Variants in LDAH observed in about 807,000 individuals in gnomAD.
The protein encoded by LDAH is lipid droplet-associated hydrolase.
Under a neutral mutation model 29.6 loss-of-function variants are expected in LDAH, and 26 were observed. The ratio of observed to expected loss-of-function variants is 0.88; its 90% CI spans 0.64 to 1.22. LDAH has a LOEUF of 1.22. LDAH is among the 50% of genes most tolerant of loss of function. The pLI, the probability that LDAH is intolerant of heterozygous loss-of-function variation, is 0.00. For missense variants in LDAH, 344 were observed against 387.3 expected (o/e 0.89, Z 0.94); for synonymous variants, 117 against 133.0 (o/e 0.88, Z 0.83).
At chr2:20,761,727 A>AT (rs932000960) in intron 4 of LDAH, among the ~76,000 whole-genome samples, 2 of 152,150 alleles carry the variant, frequency 1.3e-5, no homozygotes, top group African/African-American at 4.8e-5. Context: ...TGGAAGCCCA[A>AT]TCCCCCCCAT....
intron 4 of LDAH, among the ~76,000 whole-genome samples, chr2:20,743,123 A>G (rs1667312609): frequency 1.3e-5 from 2 of 151,502 alleles, no homozygotes; most frequent in South Asian, 2.1e-4. Context: ...ATTAATATAG[A>G]CCACATTTGT....
In LDAH at chr2:20,698,462, G is replaced by T. The variant is rs894332235; in HGVS notation, c.786+3108C>A. ...CCCAGCACCTTGGGAGGCCGAGGCC[G>T]GTAAATCACAAGGTCAGGAGTTTGA... On this transcript the variant is annotated intron_variant, in intron 6 of 6. Transcript: ENST00000237822. This position sits in a 1 kb window ranked among gnomAD's most constrained non-coding sequence, Gnocchi z 4.4. Among the ~76,000 whole-genome samples the T allele has an allele frequency of 9.9e-5, 15 of 152,134 alleles. No homozygotes were observed. The highest frequency in any genetic ancestry group is 2.6e-4 in the Admixed American group (4 of 15,272).
intron 2 of LDAH, among the ~76,000 whole-genome samples, chr2:20,796,152 T>C (rs1363384899): frequency 5.3e-5 from 8 of 152,168 alleles, no homozygotes; most frequent in Non-Finnish European, 7.4e-5. Context: ...AATACTCCCT[T>C]TATCTCCTCA....
intron 3 of LDAH, among the ~76,000 whole-genome samples, chr2:20,783,975 AGTGCT>A (rs1482277793): frequency 6.6e-6 from 1 of 152,160 alleles, no homozygotes; most frequent in African/African-American, 2.4e-5. Context: ...GTCCTCCCAA[AGTGCT>A]GGAATTACGG....
In LDAH at chr2:20,781,227, T is replaced by A. The variant is rs564346764; in HGVS notation, c.299-6248A>T. Among the ~76,000 whole-genome samples, 4 of 152,330 alleles carry A rather than the reference T, an allele frequency of 2.6e-5. No individual in the cohort carries two copies. In the East Asian group the frequency reaches 7.7e-4, roughly 29 times the overall value. On this transcript the variant is annotated intron_variant, in intron 3 of 6. Coordinates refer to ENST00000237822, the MANE Select transcript of LDAH (RefSeq NM_021925.4). The stretch of plus-strand genomic sequence containing the variant: ...GTTTATACTCCTAACTCCTCAAATT[T>A]TCTTTTCACACTTTTTTTCCCCTCG...
At chr2:20,691,727 TTC>T (rs1289542733) in intron 6 of LDAH, among the ~76,000 whole-genome samples, 2 of 152,250 alleles carry the variant, frequency 1.3e-5, no homozygotes, top group Non-Finnish European at 2.9e-5. Flanking sequence ...ATAGAAATTT[TTC>T]TGTTTCCAAA....
chr2:20,700,935 C>T (rs1478889091), intron 6 of LDAH, among the ~76,000 whole-genome samples: 1 of 152,132 alleles, frequency 6.6e-6, no homozygotes, highest in East Asian at 1.9e-4. Flanking sequence ...AATATTAGTA[C>T]AGTTCTGTCC....
At chr2:20,805,438 G>C (rs999543879) in intron 1 of LDAH, among the ~76,000 whole-genome samples, 1 of 152,156 alleles carries the variant, frequency 6.6e-6, no homozygotes, top group Non-Finnish European at 1.5e-5. Flanking sequence ...TGAGGCACGA[G>C]AATTAAAACT....
rs149460300 is a variant in LDAH, at chr2:20,790,553, C to A, written c.155-155G>T. Among the ~76,000 whole-genome samples the A allele has an allele frequency of 4.0e-3, 615 of 152,280 alleles. 3 individuals carry two copies. The highest frequency in any genetic ancestry group is 0.014 in the African/African-American group (585 of 41,564). ...ATTATCTTCAAACTTCCATTAAAAT[C>A]ACAGCAGTACCCTATTTAAACACCC... is the stretch of plus-strand genomic sequence containing the variant. On this transcript the variant is annotated intron_variant, in intron 2 of 6. Coordinates refer to ENST00000237822, the MANE Select transcript of LDAH (RefSeq NM_021925.4).
chr2:20,818,286 A>T (rs1054983550), intron 1 of LDAH, among the ~76,000 whole-genome samples: 2 of 152,126 alleles, frequency 1.3e-5, no homozygotes, highest in African/African-American at 2.4e-5. Flanking sequence ...AAAGGTTTTT[A>T]AAAAAGTTAT....
intron 4 of LDAH, among the ~76,000 whole-genome samples, chr2:20,767,491 C>G (rs1225986904): frequency 6.6e-6 from 1 of 152,230 alleles, no homozygotes; most frequent in African/African-American, 2.4e-5. Context: ...ACTTCGGGTG[C>G]TGACAAGCAT....
intron 1 of LDAH, among the ~76,000 whole-genome samples, chr2:20,807,240 T>C (rs1672128283): frequency 6.6e-6 from 1 of 152,034 alleles, no homozygotes; most frequent in Admixed American, 6.5e-5. Context: ...AGAAGACTCT[T>C]AATAAACTTA....
rs1172530072 is a variant in LDAH at position 20,687,063 on chromosome 2, C to A, written c.818G>T (p.Trp273Leu). The A allele has an allele frequency of 6.2e-7, 1 of 1,613,188 alleles. No individual in the cohort carries two copies. The highest frequency in any genetic ancestry group is 8.5e-7 in the Non-Finnish European group (1 of 1,179,662). ...LTFYYGTIDP[W>L]CPKEYYEDIK... ...GTCTTCATAGTACTCTTTTGGACAC[C>A]AAGGATCTATAGTACCATAATAAAA... The change falls in exon 7 of 7, where the codon TGG (tryptophan) becomes TTG (leucine). Residue 273 changes from tryptophan (W) to leucine (L), a missense_variant. Physicochemically the swap from Trp to Leu is moderately conservative, Grantham distance 61. Transcript: ENST00000237822.
chr2:20,819,764 G>A (rs1223866288), intron 1 of LDAH, among the ~76,000 whole-genome samples: 1 of 152,134 alleles, frequency 6.6e-6, no homozygotes, highest in East Asian at 1.9e-4. Flanking sequence ...TTCTGGCCAG[G>A]GCAATTAGGC....
intron 4 of LDAH, among the ~76,000 whole-genome samples, chr2:20,756,640 A>C (rs912469973): frequency 1.3e-5 from 2 of 152,230 alleles, no homozygotes; most frequent in African/African-American, 2.4e-5. Flanking sequence ...TGGAAGATAA[A>C]GTAGGGAAAA....
At chr2:20,696,079 A>G (rs1232590935) in intron 6 of LDAH, among the ~76,000 whole-genome samples, 1 of 152,174 alleles carries the variant, frequency 6.6e-6, no homozygotes, top group Non-Finnish European at 1.5e-5. Flanking sequence ...TTTCAGGATG[A>G]TTATGACATT....
At chr2:20,691,295 T>C (rs933441637) in intron 6 of LDAH, among the ~76,000 whole-genome samples, 1 of 152,210 alleles carries the variant, frequency 6.6e-6, no homozygotes, top group Non-Finnish European at 1.5e-5. Flanking sequence ...GCACATCAGC[T>C]TCCAGGGTAG....
chr2:20,692,027 G>T (rs575537722), intron 6 of LDAH, among the ~76,000 whole-genome samples: 23 of 152,254 alleles, frequency 1.5e-4, no homozygotes, highest in African/African-American at 5.5e-4. Context: ...ACTTTTTGGG[G>T]GGTCTACAAA....
chr2:20,773,177 C>T (rs114767641), intron 4 of LDAH, among the ~76,000 whole-genome samples: 5,225 of 152,144 alleles, frequency 0.034, 270 homozygotes, highest in African/African-American at 0.12. Flanking sequence ...GTTACAGATA[C>T]CATTCTTGAT....
Sources: gnomAD v4.1 joint callset for allele counts (sites outside exome capture counted in the v4.1 genomes callset) on GRCh38, gnomAD v4.1.1 for gene constraint, Gnocchi (gnomAD v3.1) non-coding constraint, MANE v1.5 for transcripts, NCBI Gene and HGNC (gene_info 2026-07-23, HGNC 2026-07-21) for gene names.